SERTAD2: variants seen among roughly 807,000 people sequenced by gnomAD.
SERTAD2 encodes the protein SERTA domain containing 2, also known as SERTA domain-containing protein 2.
In SERTAD2, 2 loss-of-function variants were observed where a neutral mutation model predicts 15.4. The ratio of observed to expected loss-of-function variants is 0.13; its 90% CI spans 0.05 to 0.41. SERTAD2 has a LOEUF of 0.41. Among genes scored for constraint, SERTAD2 ranks in the 10% least tolerant of loss-of-function variants. The probability of loss-of-function intolerance (pLI) is 0.99; values close to 1 mark genes in which losing one functional copy is unlikely to be tolerated. For synonymous variants in SERTAD2, 180 were observed against 178.0 expected (o/e 1.01, Z -0.09); for missense variants, 333 against 409.7 (o/e 0.81, Z 1.62).
At chr2:64,639,322 G>C (rs1674723022) in intron 1 of SERTAD2, among the ~76,000 whole-genome samples, 1 of 152,194 alleles carries the variant, frequency 6.6e-6, no homozygotes, top group Non-Finnish European at 1.5e-5. Flanking sequence ...TGTTATGTCT[G>C]TACATGGAAT....
intron 1 of SERTAD2, among the ~76,000 whole-genome samples, chr2:64,650,953 T>C (rs1343372941): frequency 6.6e-6 from 1 of 152,198 alleles, no homozygotes; most frequent in Non-Finnish European, 1.5e-5. Flanking sequence ...GCGCCTGCGC[T>C]TGCTCTCTCT....
intron 1 of SERTAD2, among the ~76,000 whole-genome samples, chr2:64,642,721 T>TG (rs954152177): frequency 6.6e-5 from 10 of 151,866 alleles, no homozygotes; most frequent in South Asian, 2.1e-4. Context: ...GACCCTGGGT[T>TG]GGGGGGGCAG....
chr2:64,644,488 G>A (rs1382977612), intron 1 of SERTAD2: 1 of 152,274 alleles, frequency 6.6e-6, no homozygotes, highest in Non-Finnish European at 1.5e-5. Context: ...CTGCCTCCAG[G>A]CTGCTGTCGT....
At chr2:64,639,782 T>G (rs1014477287) in intron 1 of SERTAD2, among the ~76,000 whole-genome samples, 2 of 152,234 alleles carry the variant, frequency 1.3e-5, no homozygotes, top group Non-Finnish European at 2.9e-5. Context: ...GAAAGAGATC[T>G]TTGGAGATAT....
In SERTAD2 at chr2:64,633,052, G is replaced by C. The variant is rs970247518; in HGVS notation, c.*2875C>G. The C allele has an allele frequency of 1.3e-5, 2 of 152,558 alleles. No individual in the cohort carries two copies. Among genetic ancestry groups the C allele is most frequent in the Non-Finnish European group, 2.9e-5 (2 of 68,042 alleles). 9.5% of individuals were successfully genotyped at this position (152,558 alleles called of 1,614,324 possible). A position where few individuals can be genotyped will look rare whatever the true frequency, so the allele number is the denominator to read the frequency against. ...GATGCCATGTGATGTCTTTCATAAAGGGAAGGCACTGCTGGAAGCACATCC... is the reference window on the plus strand; with the variant it reads ...GATGCCATGTGATGTCTTTCATAAACGGAAGGCACTGCTGGAAGCACATCC... On this transcript the variant is annotated 3_prime_UTR_variant, in exon 2 of 2. Transcript: ENST00000313349.
chr2:64,653,009 T>C (rs1162604296), intron 1 of SERTAD2, among the ~76,000 whole-genome samples: 1 of 152,050 alleles, frequency 6.6e-6, no homozygotes, highest in Non-Finnish European at 1.5e-5. Flanking sequence ...GAAGATGACT[T>C]GTAGATTTCT....
At position 64,636,498 on chromosome 2, in the gene SERTAD2, G is replaced by T. The variant is rs755776642; in HGVS notation, c.374C>A (p.Pro125His). ...GGCCGGGGTGAGGCAGGCCTCCAGGGGCGTAGTGCTTCCGAGGTCGCAGGG... is the reference window on the plus strand; with the variant it reads ...GGCCGGGGTGAGGCAGGCCTCCAGGTGCGTAGTGCTTCCGAGGTCGCAGGG... ...SHPCDLGSTT[P>H]LEACLTPASL... Residue 125 changes from proline (P) to histidine (H), a missense_variant, in exon 2 of 2, where the codon CCC (proline) becomes CAC (histidine). Physicochemically the swap from Pro to His is moderately conservative, Grantham distance 77. Coordinates refer to ENST00000313349, the MANE Select transcript of SERTAD2 (RefSeq NM_014755.3). 1 of 1,610,618 alleles carries T rather than the reference G, an allele frequency of 6.2e-7. No homozygotes were observed. The highest frequency in any genetic ancestry group is 8.5e-7 in the Non-Finnish European group (1 of 1,177,380).
intron 1 of SERTAD2, among the ~76,000 whole-genome samples, chr2:64,648,722 G>T (rs939168571): frequency 1.3e-5 from 2 of 152,112 alleles, no homozygotes; most frequent in African/African-American, 4.8e-5. Flanking sequence ...GCTTTAGAAG[G>T]AGGCAGGAAC....
intron 1 of SERTAD2, among the ~76,000 whole-genome samples, chr2:64,643,245 C>A (rs969672910): frequency 8.5e-5 from 13 of 152,248 alleles, no homozygotes; most frequent in Non-Finnish European, 1.6e-4. Context: ...GAAACAGCAA[C>A]AACTACACAT....
intron 1 of SERTAD2, among the ~76,000 whole-genome samples, chr2:64,639,400 TTG>T (rs1429336843): frequency 1.3e-5 from 2 of 152,262 alleles, no homozygotes; most frequent in African/African-American, 4.8e-5. Flanking sequence ...ATTATTTTTA[TTG>T]TGTCTTACTG....
At chr2:64,646,854 C>A (rs1674911998) in intron 1 of SERTAD2, among the ~76,000 whole-genome samples, 1 of 152,182 alleles carries the variant, frequency 6.6e-6, no homozygotes, top group African/African-American at 2.4e-5. Flanking sequence ...GAGATGTGAA[C>A]GTGGAGAAAC....
intron 1 of SERTAD2, among the ~76,000 whole-genome samples, chr2:64,642,913 A>C (rs1185512722): frequency 2.2e-5 from 3 of 135,656 alleles, no homozygotes; most frequent in Non-Finnish European, 4.7e-5. Flanking sequence ...GCGGAAGGAA[A>C]ACTCTCACTG....
At chr2:64,639,883 G>A (rs905614570) in intron 1 of SERTAD2, among the ~76,000 whole-genome samples, 1 of 152,180 alleles carries the variant, frequency 6.6e-6, no homozygotes, top group Non-Finnish European at 1.5e-5. Flanking sequence ...ATGATTTAGA[G>A]AAAGCCTGAT....
At chr2:64,649,083 C>T (rs1043607567) in intron 1 of SERTAD2, among the ~76,000 whole-genome samples, 2 of 152,176 alleles carry the variant, frequency 1.3e-5, no homozygotes, top group Non-Finnish European at 2.9e-5. Context: ...ATGGGATAAC[C>T]ACACAGGGAA....
rs200572516 is a variant in SERTAD2, at chr2:64,635,878, T to C, written c.*49A>G. 3 of 1,425,810 alleles carry C rather than the reference T, an allele frequency of 2.1e-6. No homozygotes were observed. Among genetic ancestry groups the C allele is most frequent in the Admixed American group, 3.7e-5 (2 of 54,070 alleles). 88.3% of individuals were successfully genotyped at this position (1,425,810 alleles called of 1,614,324 possible). A position where few individuals can be genotyped will look rare whatever the true frequency, so the allele number is the denominator to read the frequency against. Reference sequence around the variant, plus strand: ...ACAGTGTGGAGAACTGTCAGGGTTATGGGAACGCTCTGGGGTCTGGGTGGG... The same window carrying C: ...ACAGTGTGGAGAACTGTCAGGGTTACGGGAACGCTCTGGGGTCTGGGTGGG... On this transcript the variant is annotated 3_prime_UTR_variant, in exon 2 of 2. Transcript: ENST00000313349.
At position 64,634,386 on chromosome 2, in the gene SERTAD2, G is replaced by GA. The variant is rs1558650158; in HGVS notation, c.*1540dup. The GA allele has an allele frequency of 1.6e-5, 2 of 127,280 alleles. No homozygotes were observed. The highest frequency in any genetic ancestry group is 3.3e-5 in the Non-Finnish European group (2 of 61,156). 7.9% of individuals were successfully genotyped at this position (127,280 alleles called of 1,614,324 possible). ...CTGGGAGATAAGGTGATGGGGGGGG[G>GA]AATTGGGGGGAGGAGGGAAAACATG... On this transcript the variant is annotated 3_prime_UTR_variant, in exon 2 of 2. Coordinates refer to ENST00000313349, the MANE Select transcript of SERTAD2 (RefSeq NM_014755.3).
chr2:64,649,853 A>G (rs1674973522), intron 1 of SERTAD2, among the ~76,000 whole-genome samples: 1 of 152,006 alleles, frequency 6.6e-6, no homozygotes, highest in African/African-American at 2.4e-5. Context: ...TCCACTCTCT[A>G]CTCAGGGTGG....
intron 1 of SERTAD2, among the ~76,000 whole-genome samples, chr2:64,651,961 G>A (rs1199134027): frequency 2.6e-5 from 4 of 151,194 alleles, no homozygotes; most frequent in Non-Finnish European, 4.4e-5. Context: ...ACATGGTTAT[G>A]TATATTTTAA....
intron 1 of SERTAD2, among the ~76,000 whole-genome samples, chr2:64,639,952 T>A (rs1674736119): frequency 6.6e-6 from 1 of 152,104 alleles, no homozygotes; most frequent in Non-Finnish European, 1.5e-5. Context: ...GCAAAACCTG[T>A]AAGCAGGAAC....
Sources: allele counts gnomAD v4.1 joint callset (sites outside exome capture counted in the v4.1 genomes callset), GRCh38; gene constraint gnomAD v4.1.1; transcripts MANE v1.5; gene names NCBI Gene and HGNC (gene_info 2026-07-23, HGNC 2026-07-21).